SNX18: variants seen among roughly 807,000 people sequenced by gnomAD.
The protein encoded by SNX18 is sorting nexin-18.
A neutral mutation model predicts 48.7 loss-of-function variants in SNX18; 35 were observed. The ratio of observed to expected loss-of-function variants is 0.72; its 90% CI spans 0.55 to 0.95. SNX18 has a LOEUF of 0.95. Ranked by LOEUF, SNX18 falls within the 40% of genes least tolerant of loss-of-function variation. The pLI is 0.00. For missense variants in SNX18, 824 were observed against 871.0 expected (o/e 0.95, Z 0.68); for synonymous variants, 492 against 384.7 (o/e 1.28, Z -3.26).
the SNX18 span, among the ~76,000 whole-genome samples, chr5:54,587,055 G>A: frequency 6.6e-6 from 1 of 151,478 alleles, no homozygotes; most frequent in Non-Finnish European, 1.5e-5. Flanking sequence ...ACTCCTGATG[G>A]CAGAGTTAAA....
chr5:54,600,872 T>C, the SNX18 span, among the ~76,000 whole-genome samples: 1 of 152,162 alleles, frequency 6.6e-6, no homozygotes, highest in Non-Finnish European at 1.5e-5. Context: ...GGATGGCTAA[T>C]GGATGTTGGG....
At chr5:54,559,353 A>G in the SNX18 span, among the ~76,000 whole-genome samples, 1 of 152,250 alleles carries the variant, frequency 6.6e-6, no homozygotes, top group East Asian at 1.9e-4. Flanking sequence ...GGAAAACAGC[A>G]TAGTACTGCT....
chr5:54,527,918 A>T (rs1383887848), intron 1 of SNX18, among the ~76,000 whole-genome samples: 2 of 152,236 alleles, frequency 1.3e-5, no homozygotes, highest in Non-Finnish European at 2.9e-5. Context: ...TACAGGAAAT[A>T]AAGATAGAAT....
chr5:54,647,556 G>A, the SNX18 span, among the ~76,000 whole-genome samples: 2 of 152,190 alleles, frequency 1.3e-5, no homozygotes, highest in African/African-American at 4.8e-5. Flanking sequence ...GAAGTTGGTA[G>A]TGAATGGGGC....
At chr5:54,565,917 CACTG>C in the SNX18 span, among the ~76,000 whole-genome samples, 23 of 152,098 alleles carry the variant, frequency 1.5e-4, no homozygotes, top group African/African-American at 5.6e-4. Flanking sequence ...GAAAAGAACC[CACTG>C]ACTTTTTCTG....
chr5:54,612,118 C>G, the SNX18 span, among the ~76,000 whole-genome samples: 9 of 151,980 alleles, frequency 5.9e-5, no homozygotes, highest in Admixed American at 6.6e-5. Flanking sequence ...TGGGATCAAG[C>G]GATAACTTGT....
chr5:54,585,991 C>T, the SNX18 span, among the ~76,000 whole-genome samples: 14 of 145,160 alleles, frequency 9.6e-5, no homozygotes, highest in South Asian at 6.5e-4. Context: ...GGCGACGGAG[C>T]GAGACTCCGT....
rs1762520049 is a variant in SNX18, at chr5:54,543,990, A to G, written c.*558A>G. The G allele has an allele frequency of 6.9e-6, 1 of 145,810 alleles. No homozygotes were observed. Among genetic ancestry groups the G allele is most frequent in the Non-Finnish European group, 1.5e-5 (1 of 66,746 alleles). 9.0% of individuals were successfully genotyped at this position (145,810 alleles called of 1,614,324 possible). On this transcript the variant is annotated 3_prime_UTR_variant, in exon 2 of 2. Coordinates refer to ENST00000381410, the MANE Select transcript of SNX18 (RefSeq NM_001102575.2). ...GATTGAAAGAGTGAAAGGCCAGTGC[A>G]TATAATGACAAACTGATGATAACCT...
the SNX18 span, among the ~76,000 whole-genome samples, chr5:54,625,536 A>G: frequency 6.6e-6 from 1 of 152,166 alleles, no homozygotes; most frequent in Non-Finnish European, 1.5e-5. Flanking sequence ...TCTGAGGGAA[A>G]GAGAGACAGG....
the SNX18 span, among the ~76,000 whole-genome samples, chr5:54,600,983 T>G: frequency 9.8e-5 from 15 of 152,302 alleles, no homozygotes; most frequent in South Asian, 2.3e-3. Flanking sequence ...CTAGAACATG[T>G]ACCAGAACTA....
chr5:54,630,602 G>A, the SNX18 span, among the ~76,000 whole-genome samples: 1 of 152,146 alleles, frequency 6.6e-6, no homozygotes, highest in African/African-American at 2.4e-5. Context: ...GGGAAGCCAA[G>A]GTGGGTGGAT....
chr5:54,612,337 C>T, the SNX18 span, among the ~76,000 whole-genome samples: 1 of 151,658 alleles, frequency 6.6e-6, no homozygotes, highest in Non-Finnish European at 1.5e-5. Context: ...TGGCTCACTG[C>T]AACCTCTGCC....
chr5:54,553,095 G>A, the SNX18 span, among the ~76,000 whole-genome samples: 1 of 152,224 alleles, frequency 6.6e-6, no homozygotes, highest in South Asian at 2.1e-4. Context: ...CTGGTGAGGA[G>A]GAGATGCACC....
At chr5:54,621,865 C>T in the SNX18 span, among the ~76,000 whole-genome samples, 2 of 152,234 alleles carry the variant, frequency 1.3e-5, no homozygotes, top group African/African-American at 2.4e-5. Context: ...AGGCTGTAGA[C>T]AGCCACTGTG....
chr5:54,621,966 C>T, the SNX18 span, among the ~76,000 whole-genome samples: 10 of 152,144 alleles, frequency 6.6e-5, no homozygotes, highest in East Asian at 9.6e-4. Flanking sequence ...GGAATTTGAC[C>T]GCTCCAACTG....
the SNX18 span, among the ~76,000 whole-genome samples, chr5:54,570,489 T>C: frequency 2.6e-5 from 4 of 152,360 alleles, no homozygotes; most frequent in South Asian, 8.3e-4. Context: ...ACAGTATCCA[T>C]TGAATGCTTA....
At position 54,518,434 on chromosome 5, in the gene SNX18, G is replaced by C. The variant is rs1358305114; in HGVS notation, c.482G>C (p.Ser161Thr). 4 of 1,578,900 alleles carry C rather than the reference G, an allele frequency of 2.5e-6. No homozygotes were observed. The highest frequency in any genetic ancestry group is 2.7e-5 in the African/African-American group (2 of 73,774). The part of the protein sequence containing the change: ...DDDWDDEWDD[S>T]STVADEPGAL... ...GACTGGGACGACGAGTGGGACGACA[G>C]CTCCACGGTGGCGGACGAGCCGGGC... Residue 161 changes from serine to threonine, a missense_variant, in exon 1 of 2, where the codon AGC becomes ACC. This residue lies in a region of SNX18 where 377 missense variants were observed against 350.6 expected (regional missense o/e 1.08). Transcript: ENST00000381410.
At chr5:54,608,115 T>C in the SNX18 span, among the ~76,000 whole-genome samples, 1 of 152,228 alleles carries the variant, frequency 6.6e-6, no homozygotes, top group Non-Finnish European at 1.5e-5. Flanking sequence ...AGAGTAGTTG[T>C]ACCATTTTGT....
the SNX18 span, among the ~76,000 whole-genome samples, chr5:54,578,456 C>G: frequency 6.6e-6 from 1 of 152,314 alleles, no homozygotes; most frequent in South Asian, 2.1e-4. Context: ...CTTAGTGGCT[C>G]TGCCTCCAAG....
Sources: allele counts gnomAD v4.1 joint callset (sites outside exome capture counted in the v4.1 genomes callset), GRCh38; gene constraint gnomAD v4.1.1; regional missense constraint gnomAD v4.1.1; transcripts MANE v1.5; gene names NCBI Gene and HGNC (gene_info 2026-07-23, HGNC 2026-07-21).